PHYH: variants seen among roughly 807,000 people sequenced by gnomAD.
PHYH encodes phytanoyl-CoA 2-hydroxylase.
In PHYH, 32 loss-of-function variants were observed where a neutral mutation model predicts 38.5. That is an observed-to-expected ratio of 0.83 (90% CI 0.63 to 1.12). PHYH has a LOEUF of 1.12. Ranked by LOEUF, PHYH falls within the 50% of genes most tolerant of loss-of-function variation. The pLI is 0.00. For synonymous variants in PHYH, 166 were observed against 157.9 expected, an observed-to-expected ratio of 1.05 and a Z score of -0.38; for missense variants, 426 against 434.8, an observed-to-expected ratio of 0.98 and a Z score of 0.18.
chr10:13,282,306 T>C (rs186419601), intron 7 of PHYH, among the ~76,000 whole-genome samples: 167 of 151,940 alleles, frequency 1.1e-3, no homozygotes, highest in African/African-American at 3.8e-3. Context: ...TTAAAAAACA[T>C]TGGGCCAGGC....
chr10:13,294,747 A>T, intron 3 of PHYH, 151 bp from the exon 4 acceptor site: 2 of 683,682 alleles, frequency 2.9e-6, no homozygotes, highest in East Asian at 5.4e-5. Flanking sequence ...AATGAAAGGG[A>T]GGAGAAACTG....
rs1835327890 is a variant in PHYH, at chr10:13,278,001, G to C, written c.*300C>G. The stretch of plus-strand genomic sequence containing the variant: ...TCATTCACTTCTTCTTGGGTAAAGA[G>C]CTAACTGAATGAAAGAAATTGATTT... On this transcript the variant is annotated 3_prime_UTR_variant, in exon 9 of 9. Transcript: ENST00000263038. The C allele has an allele frequency of 2.6e-6, 1 of 390,218 alleles. No individual in the cohort carries two copies. The highest frequency in any genetic ancestry group is 2.3e-5 in the South Asian group (1 of 44,244). 24.2% of individuals were successfully genotyped at this position (390,218 alleles called of 1,614,324 possible). A position where few individuals can be genotyped will look rare whatever the true frequency, so the allele number is the denominator to read the frequency against.
chr10:13,294,414 G>C lies in PHYH; in HGVS notation c.414+14C>G. On this transcript the variant is annotated intron_variant, in intron 4 of 8. Transcript: ENST00000263038. ...TGGCAATTAAGCCGACGCAAAGCAA[G>C]GGTGGTCTCTGACCTCGGGGAGAGT... The C allele has an allele frequency of 6.2e-7, 1 of 1,613,454 alleles. No homozygotes were observed. Among genetic ancestry groups the C allele is most frequent in the Non-Finnish European group, 8.5e-7 (1 of 1,179,622 alleles).
intron 4 of PHYH, among the ~76,000 whole-genome samples, chr10:13,293,494 G>A (rs561474434): frequency 6.6e-6 from 1 of 152,100 alleles, no homozygotes; most frequent in East Asian, 1.9e-4. Context: ...TAGAGACTGG[G>A]TTTCACCATG....
At chr10:13,283,347 T>A (rs1564420913) in intron 7 of PHYH, among the ~76,000 whole-genome samples, 1 of 151,984 alleles carries the variant, frequency 6.6e-6, no homozygotes, top group Non-Finnish European at 1.5e-5. Context: ...GCCAGGATAG[T>A]CTCGATCTCC....
Position 13,283,783 on chromosome 10 carries a change from C to T in PHYH, c.735G>A (p.Arg245=), listed in dbSNP as rs1417789065. The T allele has an allele frequency of 1.9e-6, 3 of 1,613,746 alleles. No individual in the cohort carries two copies. The African/African-American group carries it at 4.0e-5, about 22-fold the overall frequency. The part of the protein sequence containing the change: ...GIQDYEENKA[R]VHLVMEKGDT... Reference sequence around the variant, plus strand: ...CGCCCTTCTCCATCACCAGGTGCACCCGGGCCTTGTTTTCCTCGTAGTCCT... The same window carrying T: ...CGCCCTTCTCCATCACCAGGTGCACTCGGGCCTTGTTTTCCTCGTAGTCCT... Residue 245 remains arginine, a synonymous_variant, in exon 7 of 9, where the codon CGG becomes CGA. Coordinates refer to ENST00000263038, the MANE Select transcript of PHYH (RefSeq NM_006214.4).
At chr10:13,285,611 T>C (rs1360608701) in intron 6 of PHYH, among the ~76,000 whole-genome samples, 2 of 148,142 alleles carry the variant, frequency 1.4e-5, no homozygotes, top group African/African-American at 2.5e-5. Context: ...CTTTTCTTTT[T>C]TTTTTTTTTT....
At chr10:13,282,054 T>C (rs1835425033) in intron 7 of PHYH, among the ~76,000 whole-genome samples, 1 of 152,118 alleles carries the variant, frequency 6.6e-6, no homozygotes, top group Non-Finnish European at 1.5e-5. Context: ...AAGACTCGCC[T>C]GGGCAACATA....
chr10:13,294,324 C>T (rs774932889), intron 4 of PHYH, 104 bp downstream of exon 4: 94 of 1,022,236 alleles, frequency 9.2e-5, no homozygotes, highest in African/African-American at 5.8e-4. Flanking sequence ...CCACAGTGCT[C>T]GGATTACAGG....
intron 5 of PHYH, among the ~76,000 whole-genome samples, chr10:13,290,918 G>A (rs909874287): frequency 5.9e-5 from 9 of 152,106 alleles, no homozygotes; most frequent in Middle Eastern, 3.4e-3. Context: ...CCAACATGGC[G>A]AAACCCTGTC....
At chr10:13,280,501 T>C (rs1205716403) in intron 8 of PHYH, among the ~76,000 whole-genome samples, 2 of 152,172 alleles carry the variant, frequency 1.3e-5, no homozygotes, top group African/African-American at 4.8e-5. Flanking sequence ...CCAACCTGAC[T>C]AATTTTTATT....
intron 1 of PHYH, among the ~76,000 whole-genome samples, chr10:13,298,737 A>ACTACTACTG (rs1279766592): frequency 2.1e-5 from 2 of 93,496 alleles, no homozygotes; most frequent in African/African-American, 7.0e-5. Flanking sequence ...TACTACTACT[A>ACTACTACTG]CTACTACTAC....
At position 13,283,800 on chromosome 10, in the gene PHYH, C is replaced by T. The variant is rs373512465; in HGVS notation, c.718G>A (p.Glu240Lys). The change falls in exon 7 of 9, where the codon GAG becomes AAG. Residue 240 changes from glutamate to lysine, a missense_variant. Physicochemically the swap from Glu to Lys is moderately conservative, Grantham distance 56. Transcript: ENST00000263038. ...NKMFHGIQDY[E>K]ENKARVHLVM... is the part of the protein sequence containing the mutation. ...AGGTGCACCCGGGCCTTGTTTTCCT[C>T]GTAGTCCTGGATCCCGTGGAACATT... 40 of 1,613,858 alleles carry T rather than the reference C, an allele frequency of 2.5e-5. No individual in the cohort carries two copies. The highest frequency in any genetic ancestry group is 1.8e-4 in the East Asian group (8 of 44,880).
At chr10:13,299,798 T>G in intron 1 of PHYH, 170 bp downstream of exon 1, 1 of 1,311,024 alleles carries the variant, frequency 7.6e-7, no homozygotes, top group Non-Finnish European at 9.7e-7. Context: ...TCTTCCCCGC[T>G]CCCCGGCTCC....
chr10:13,298,949 TAATAATAATAATAATAAC>T (rs757594300), intron 1 of PHYH, among the ~76,000 whole-genome samples: 51,093 of 146,362 alleles, frequency 0.35, 11,107 homozygotes, highest in East Asian at 0.63. Context: ...ATAATAATAA[TAATAATAATAATAATAAC>T]AACAATAACA....
In PHYH at chr10:13,294,410, G is replaced by A. The variant is rs1224280585; in HGVS notation, c.414+18C>T. The A allele has an allele frequency of 3.7e-6, 6 of 1,613,176 alleles. No homozygotes were observed. Among genetic ancestry groups the A allele is most frequent in the Non-Finnish European group, 5.1e-6 (6 of 1,179,448 alleles). ...ACACTGGCAATTAAGCCGACGCAAA[G>A]CAAGGGTGGTCTCTGACCTCGGGGA... On this transcript the variant is annotated intron_variant, in intron 4 of 8. Coordinates refer to ENST00000263038, the MANE Select transcript of PHYH (RefSeq NM_006214.4).
intron 2 of PHYH, among the ~76,000 whole-genome samples, chr10:13,296,366 C>T (rs1480465768): frequency 4.0e-5 from 6 of 150,620 alleles, no homozygotes; most frequent in African/African-American, 1.5e-4. Context: ...CACCTGAGGT[C>T]GGGAGTTCGA....
chr10:13,293,302 TTTTG>T (rs1355892175), intron 4 of PHYH, among the ~76,000 whole-genome samples: 2 of 152,030 alleles, frequency 1.3e-5, no homozygotes, highest in African/African-American at 4.8e-5. Context: ...TGTTTTTTGT[TTTTG>T]TTTTTGTTTT....
intron 5 of PHYH, among the ~76,000 whole-genome samples, chr10:13,290,875 T>A (rs889400328): frequency 2.6e-5 from 4 of 152,204 alleles, no homozygotes; most frequent in African/African-American, 9.6e-5. Context: ...GGCAGGTGGA[T>A]CATCTGAAGT....
Sources: allele counts gnomAD v4.1 joint callset (sites outside exome capture counted in the v4.1 genomes callset), GRCh38; gene constraint gnomAD v4.1.1; transcripts MANE v1.5; gene names NCBI Gene and HGNC (gene_info 2026-07-23, HGNC 2026-07-21).